RADIL: variants seen among roughly 807,000 people sequenced by gnomAD.
The protein encoded by RADIL is ras-associating and dilute domain-containing protein.
Under a neutral mutation model 97.6 loss-of-function variants are expected in RADIL, and 99 were observed. The observed-to-expected ratio is 1.01, with a 90% CI of 0.86 to 1.20. The LOEUF is 1.20. Ranked by LOEUF, RADIL falls within the 50% of genes most tolerant of loss-of-function variation. The pLI is 0.00. For synonymous variants in RADIL, 803 were observed against 691.8 expected (o/e 1.16, Z -2.52); for missense variants, 1,765 against 1,498.9 (o/e 1.18, Z -2.93).
chr7:4,860,000 G>A (rs1783937573), intron 2 of RADIL: 1 of 1,613,878 alleles, frequency 6.2e-7, no homozygotes, highest in Non-Finnish European at 8.5e-7. Flanking sequence ...TGGTGATGGA[G>A]AAATGGCAGG....
In RADIL at chr7:4,840,345, A is replaced by C. The variant is rs568508621; in HGVS notation, c.536-3740T>G. Among the ~76,000 whole-genome samples the C allele has an allele frequency of 1.3e-5, 2 of 152,304 alleles. No individual in the cohort carries two copies. The highest frequency in any genetic ancestry group is 3.9e-4 in the East Asian group (2 of 5,164). On this transcript the variant is annotated intron_variant, in intron 2 of 14. Transcript: ENST00000399583. This position sits in a 1 kb window ranked among gnomAD's most constrained non-coding sequence, Gnocchi z 5.6. The stretch of plus-strand genomic sequence containing the variant: ...CGGATCTGCCTCAACTGGGACAGAA[A>C]GTGCCCCCACTTGGCCTTTGGGTGG...
chr7:4,808,558 A>G, intron 9 of RADIL: 1 of 977,624 alleles, frequency 1.0e-6, no homozygotes. Context: ...GAGATGGGAC[A>G]TAGACAAAAG....
At chr7:4,827,217 T>C (rs1039689833) in intron 5 of RADIL, among the ~76,000 whole-genome samples, 3 of 151,724 alleles carry the variant, frequency 2.0e-5, no homozygotes, top group Non-Finnish European at 4.4e-5. Flanking sequence ...ATACAAAAAT[T>C]AGCCGGGCAT....
rs759972285 is a variant in RADIL at position 4,816,408 on chromosome 7, G to A, written c.1786C>T (p.Arg596Cys). 2.0e-5 allele frequency: 32 copies of A among 1,609,042 alleles called. No homozygotes were observed. Among genetic ancestry groups the A allele is most frequent in the Non-Finnish European group, 2.5e-5 (30 of 1,178,692 alleles). ...TCGGGGGCCGAGGACCAGCTCTCACGGCGCTCCGTCTGGAATGGCGGGCAC... is the reference window on the plus strand; with the variant it reads ...TCGGGGGCCGAGGACCAGCTCTCACAGCGCTCCGTCTGGAATGGCGGGCAC... ...LECPPFQTER[R>C]ESWSSAPELP... Residue 596 changes from arginine (R) to cysteine (C), a missense_variant, in exon 8 of 15, where the codon CGT (arginine) becomes TGT (cysteine). Physicochemically the swap from Arg to Cys is radical, Grantham distance 180. Transcript: ENST00000399583.
intron 11 of RADIL, among the ~76,000 whole-genome samples, chr7:4,802,666 G>T (rs1425446805): frequency 5.4e-5 from 6 of 111,114 alleles, no homozygotes; most frequent in East Asian, 3.0e-4. Flanking sequence ...TCTGGCTGGG[G>T]GGCCCCCTCC....
chr7:4,816,734 G>C (rs1782688564), intron 7 of RADIL, among the ~76,000 whole-genome samples: 1 of 152,118 alleles, frequency 6.6e-6, no homozygotes, highest in Non-Finnish European at 1.5e-5. Flanking sequence ...CTCAGAAGGC[G>C]CACAGAGGTG....
intron 9 of RADIL, among the ~76,000 whole-genome samples, chr7:4,812,387 ATTGTG>A (rs1177262913): frequency 7.2e-5 from 11 of 151,860 alleles, no homozygotes; most frequent in Admixed American, 7.2e-4. Context: ...GATACTAGCA[ATTGTG>A]TTTTCTCCCT....
At chr7:4,874,482 C>T (rs1347429403) in intron 2 of RADIL, among the ~76,000 whole-genome samples, 1 of 152,200 alleles carries the variant, frequency 6.6e-6, no homozygotes, top group South Asian at 2.1e-4. Flanking sequence ...TCAAACCACC[C>T]GGCCGCCTCA....
At position 4,861,723 on chromosome 7, in the gene RADIL, C is replaced by A; in HGVS notation, c.535+15882G>T. The A allele has an allele frequency of 1.3e-6, 2 of 1,542,614 alleles. No homozygotes were observed. Among genetic ancestry groups the A allele is most frequent in the Non-Finnish European group, 8.7e-7 (1 of 1,147,526 alleles). ...AGGCAGTCCGTCTCCTTGGGGACCG[C>A]TAGACTGATAGGCGAGGAGACGCCG... On this transcript the variant is annotated intron_variant, in intron 2 of 14. Coordinates refer to ENST00000399583, the MANE Select transcript of RADIL (RefSeq NM_018059.5).
At position 4,835,449 on chromosome 7, in the gene RADIL, C is replaced by A. The variant is rs930607205; in HGVS notation, c.784-210G>T. On this transcript the variant is annotated intron_variant, in intron 3 of 14. Transcript: ENST00000399583. The surrounding 1 kb of genome is among the most constrained non-coding windows in gnomAD (Gnocchi z 5.8). ...GGCCCATCCCAGAGGAGGTCGGTTT[C>A]CCGGAGGAGCACACGAGAGACCCAG... Among the ~76,000 whole-genome samples, 37 of 152,150 alleles carry A rather than the reference C, an allele frequency of 2.4e-4. No individual in the cohort carries two copies. The highest frequency in any genetic ancestry group is 5.3e-4 in the Non-Finnish European group (36 of 68,042).
At chr7:4,800,417 G>T in intron 12 of RADIL, 107 bp from the exon 13 acceptor site, 1 of 1,170,350 alleles carries the variant, frequency 8.5e-7, no homozygotes, top group Non-Finnish European at 1.1e-6. Context: ...GGATGGGATG[G>T]CCTCCTGTGG....
chr7:4,844,059 A>G (rs1783510673), intron 2 of RADIL, among the ~76,000 whole-genome samples: 6 of 152,182 alleles, frequency 3.9e-5, no homozygotes, highest in Admixed American at 3.9e-4. Flanking sequence ...GGAACAAGAC[A>G]AGGATGCCTG....
In RADIL at chr7:4,840,635, C is replaced by A. The variant is rs1286350831; in HGVS notation, c.536-4030G>T. ...TTATGCTACCAATGGGAGATTCCGC[C>A]AACATGAAATAAGTTCAGTGAGAAA... On this transcript the variant is annotated intron_variant, in intron 2 of 14. Coordinates refer to ENST00000399583, the MANE Select transcript of RADIL (RefSeq NM_018059.5). This position sits in a 1 kb window ranked among gnomAD's most constrained non-coding sequence, Gnocchi z 5.6. 2.0e-5 allele frequency among the ~76,000 whole-genome samples: 3 copies of A among 152,164 alleles called. No homozygotes were observed. The highest frequency in any genetic ancestry group is 7.2e-5 in the African/African-American group (3 of 41,448).
Position 4,878,021 on chromosome 7 carries a change from T to C in RADIL, c.119A>G (p.Asp40Gly), listed in dbSNP as rs370624798. Residue 40 changes from aspartate to glycine, a missense_variant, in exon 2 of 15, where the codon GAC (aspartate) becomes GGC (glycine). Coordinates refer to ENST00000399583, the MANE Select transcript of RADIL (RefSeq NM_018059.5). This position sits in a 1 kb window ranked among gnomAD's most constrained non-coding sequence, Gnocchi z 4.1. ...GGCGCCCAGGCTGGAGAAGGTGGAGTCCAGGTCCCGGTACTTGTAGCTCAG... is the reference window on the plus strand; with the variant it reads ...GGCGCCCAGGCTGGAGAAGGTGGAGCCCAGGTCCCGGTACTTGTAGCTCAG... Reference protein sequence around the residue: ...RTLSYKYRDLDSTFSSLGASD... With the variant: ...RTLSYKYRDLGSTFSSLGASD... The C allele has an allele frequency of 3.1e-6, 5 of 1,609,390 alleles. No homozygotes were observed. The highest frequency in any genetic ancestry group is 2.2e-5 in the East Asian group (1 of 44,724).
chr7:4,839,701 A>G (rs1017263031), intron 2 of RADIL, among the ~76,000 whole-genome samples: 3 of 152,178 alleles, frequency 2.0e-5, no homozygotes, highest in Admixed American at 1.3e-4. Context: ...AGGGGAACCC[A>G]GGTGTCAGAT....
rs1783267575 is a variant in RADIL at position 4,835,387 on chromosome 7, C to T, written c.784-148G>A. The T allele has an allele frequency of 8.5e-6, 9 of 1,063,432 alleles. No homozygotes were observed. In the South Asian group the frequency reaches 1.1e-4, roughly 13 times the overall value. The allele number at this position is 1,063,432 out of a possible 1,614,324, so 65.9% of individuals were successfully genotyped here. On this transcript the variant is annotated intron_variant, in intron 3 of 14. Transcript: ENST00000399583. The surrounding 1 kb of genome is among the most constrained non-coding windows in gnomAD (Gnocchi z 5.8). ...GTCCCTGGCCACCCCCACACCAGAA[C>T]CCCGACGGCTCTCAGGAACCCGCCC...
chr7:4,800,218 G>A lies in RADIL; in HGVS notation c.2935C>T (p.Leu979=). 1 of 1,607,330 alleles carries A rather than the reference G, an allele frequency of 6.2e-7. No individual in the cohort carries two copies. The highest frequency in any genetic ancestry group is 8.5e-7 in the Non-Finnish European group (1 of 1,177,634). ...EDFCYVFTVE[L]ERGPSGLGMG... ...CCCAGCCCGGAGGGGCCTCGTTCCA[G>A]CTCCACCGTGAAGACGTAGCAGAAG... Residue 979 remains leucine (L), a synonymous_variant, in exon 13 of 15, where the codon CTG becomes TTG. Transcript: ENST00000399583.
chr7:4,803,848 G>T, intron 10 of RADIL, 94 bp from the exon 11 acceptor site: 2 of 1,162,200 alleles, frequency 1.7e-6, no homozygotes, highest in Non-Finnish European at 2.5e-6. Flanking sequence ...CCAGGGGCCA[G>T]CAGATTGAGC....
intron 5 of RADIL, among the ~76,000 whole-genome samples, chr7:4,823,922 G>A (rs1464479760): frequency 6.6e-6 from 1 of 152,214 alleles, no homozygotes; most frequent in Non-Finnish European, 1.5e-5. Flanking sequence ...TCAGCATTAA[G>A]CCACTGGACA....
Sources: gnomAD v4.1 joint callset for allele counts (sites outside exome capture counted in the v4.1 genomes callset) on GRCh38, gnomAD v4.1.1 for gene constraint, Gnocchi (gnomAD v3.1) non-coding constraint, MANE v1.5 for transcripts, NCBI Gene and HGNC (gene_info 2026-07-23, HGNC 2026-07-21) for gene names.